ZNF385A: variants seen among roughly 807,000 people sequenced by gnomAD.
ZNF385A encodes zinc finger protein 385A.
Under a neutral mutation model 32.1 loss-of-function variants are expected in ZNF385A, and 14 were observed. The ratio of observed to expected loss-of-function variants is 0.44; its 90% CI spans 0.29 to 0.68. The LOEUF (loss-of-function observed/expected upper bound fraction) is 0.68. Ranked by LOEUF, ZNF385A falls within the 30% of genes least tolerant of loss-of-function variation. The pLI is 0.14. For missense variants in ZNF385A, 406 were observed against 478.4 expected (o/e 0.85, Z 1.41); for synonymous variants, 197 against 202.7 (o/e 0.97, Z 0.24).
intron 1 of ZNF385A, chr12:54,381,176 A>C (rs1955148517): frequency 2.0e-5 from 3 of 149,844 alleles, no homozygotes; most frequent in Non-Finnish European, 4.4e-5. Context: ...AGCCTGGGGG[A>C]CAGAGTAAGA....
intron 1 of ZNF385A, among the ~76,000 whole-genome samples, chr12:54,376,482 G>A (rs1046240894): frequency 6.6e-6 from 1 of 152,126 alleles, no homozygotes; most frequent in Non-Finnish European, 1.5e-5. Context: ...ATCCCTGGTC[G>A]CCCTAACACA....
At chr12:54,390,880 C>T (rs898741823) in intron 1 of ZNF385A, among the ~76,000 whole-genome samples, 1 of 151,896 alleles carries the variant, frequency 6.6e-6, no homozygotes, top group Admixed American at 6.6e-5. Flanking sequence ...CAGAACCTTT[C>T]CCCCAACTCC....
Position 54,370,076 on chromosome 12 carries a change from C to G in ZNF385A, c.*180G>C, listed in dbSNP as rs1428581475. 8.1e-6 allele frequency: 4 copies of G among 492,726 alleles called. No homozygotes were observed. In the African/African-American group the frequency reaches 8.1e-5, roughly 10 times the overall value. 30.5% of individuals were successfully genotyped at this position (492,726 alleles called of 1,614,324 possible). A position where few individuals can be genotyped will look rare whatever the true frequency, so the allele number is the denominator to read the frequency against. On this transcript the variant is annotated 3_prime_UTR_variant, in exon 7 of 7. Coordinates refer to ENST00000394313, the MANE Select transcript of ZNF385A (RefSeq NM_015481.3). The surrounding 1 kb of genome is among the most constrained non-coding windows in gnomAD (Gnocchi z 5.5). Reference sequence around the variant, plus strand: ...TTCCCTGAGATCTGGGGTGTTCCCCCCCTTCTGAAGCCCCCCTCCCCCGCT... The same window carrying G: ...TTCCCTGAGATCTGGGGTGTTCCCCGCCTTCTGAAGCCCCCCTCCCCCGCT...
At position 54,371,550 on chromosome 12, in the gene ZNF385A, T is replaced by C. The variant is rs563955439; in HGVS notation, c.527A>G (p.Lys176Arg). 6.2e-7 allele frequency: 1 copy of C among 1,613,700 alleles called. No individual in the cohort carries two copies. The highest frequency in any genetic ancestry group is 1.7e-5 in the Admixed American group (1 of 59,962). Reference protein sequence around the residue: ...LPGGSKEEEEKAKRLLYCALC... With the variant: ...LPGGSKEEEERAKRLLYCALC... ...AGCACAGTAGAGCAGCCGCTTGGCT[T>C]TCTCCTCCTCTTCCTTGCTACCCCC... Residue 176 changes from lysine (K) to arginine (R), a missense_variant, in exon 4 of 7, where the codon AAA (lysine) becomes AGA (arginine). By Grantham distance (26) the Lys-to-Arg change is conservative. Coordinates refer to ENST00000394313, the MANE Select transcript of ZNF385A (RefSeq NM_015481.3).
At chr12:54,389,026 A>C (rs543886222), upstream of ZNF385A, among the ~76,000 whole-genome samples, 1 of 152,270 alleles carries the variant, frequency 6.6e-6, no homozygotes, top group African/African-American at 2.4e-5. Context: ...GGAGTAGTTG[A>C]CTGGGAAGGG....
In ZNF385A at chr12:54,391,287, G is replaced by C. The variant is rs1231456868; in HGVS notation, c.-43C>G. 6.7e-6 allele frequency: 9 copies of C among 1,353,182 alleles called. No homozygotes were observed. In the East Asian group the frequency reaches 2.5e-4, roughly 37 times the overall value. The allele number at this position is 1,353,182 out of a possible 1,614,324, so 83.8% of individuals were successfully genotyped here. ...CCGGGGTTCCGCGTCGCTCTGTCCCGGGGGCCGTTCTGGCCGGGCTGGGGG... is the reference window on the plus strand; with the variant it reads ...CCGGGGTTCCGCGTCGCTCTGTCCCCGGGGCCGTTCTGGCCGGGCTGGGGG... On this transcript the variant is annotated 5_prime_UTR_variant, in exon 1 of 8. Coordinates refer to the ZNF385A transcript ENST00000338010.
intron 1 of ZNF385A, among the ~76,000 whole-genome samples, chr12:54,380,255 G>A (rs1955076620): frequency 6.6e-6 from 1 of 152,238 alleles, no homozygotes; most frequent in African/African-American, 2.4e-5. Context: ...CTTGCAATGT[G>A]CCAGCTTCTG....
chr12:54,384,858 C>A, upstream of ZNF385A: 5 of 1,143,022 alleles, frequency 4.4e-6, no homozygotes, highest in South Asian at 1.8e-4. Flanking sequence ...AGAGCTCATA[C>A]CTTTTCTGCA....
At chr12:54,382,545 A>T (rs1364902381) in intron 1 of ZNF385A, among the ~76,000 whole-genome samples, 1 of 152,160 alleles carries the variant, frequency 6.6e-6, no homozygotes, top group Non-Finnish European at 1.5e-5. Flanking sequence ...TCTGAGGCTT[A>T]GTTTTTGCTT....
chr12:54,384,658 C>A lies in ZNF385A; in HGVS notation c.-144G>T. Reference sequence around the variant, plus strand: ...AGTCCCACTCCCTAGCCAGGGCCCCCACACTCAGAAGTGTCACCCTCAGTG... The same window carrying A: ...AGTCCCACTCCCTAGCCAGGGCCCCAACACTCAGAAGTGTCACCCTCAGTG... On this transcript the variant is annotated 5_prime_UTR_variant, in exon 1 of 7. Coordinates refer to ENST00000394313, the MANE Select transcript of ZNF385A (RefSeq NM_015481.3). 2 of 1,414,610 alleles carry A rather than the reference C, an allele frequency of 1.4e-6. No individual in the cohort carries two copies. Among genetic ancestry groups the A allele is most frequent in the Non-Finnish European group, 1.8e-6 (2 of 1,089,134 alleles). 87.6% of individuals were successfully genotyped at this position (1,414,610 alleles called of 1,614,324 possible). A position where few individuals can be genotyped will look rare whatever the true frequency, so the allele number is the denominator to read the frequency against.
chr12:54,370,627 G>T lies in ZNF385A; in HGVS notation c.869C>A (p.Ala290Glu), dbSNP rs776717174. Residue 290 changes from alanine (A) to glutamate (E), a missense_variant and splice_region_variant, in exon 6 of 7, where the codon GCG becomes GAG. Coordinates refer to ENST00000394313, the MANE Select transcript of ZNF385A (RefSeq NM_015481.3). The surrounding 1 kb of genome is among the most constrained non-coding windows in gnomAD (Gnocchi z 5.5). The part of the protein sequence containing the change: ...HKKSRGAGEL[A>E]GTLTFSKELP... The stretch of plus-strand genomic sequence containing the variant: ...GAATTCCCAGCATCCAGGCCTCACC[G>T]CCAGCTCCCCGGCGCCCCTAGACTT... 6.3e-7 allele frequency: 1 copy of T among 1,598,026 alleles called. No homozygotes were observed. The highest frequency in any genetic ancestry group is 1.1e-5 in the South Asian group (1 of 88,634).
At chr12:54,375,791 C>T in intron 2 of ZNF385A, 53 bp downstream of exon 2, 1 of 1,516,014 alleles carries the variant, frequency 6.6e-7, no homozygotes, top group Non-Finnish European at 9.2e-7. Context: ...CCCTCAAGTT[C>T]CCCTGCTGCC....
intron 2 of ZNF385A, 44 bp downstream of exon 2, chr12:54,375,800 C>T (rs1954818267): frequency 1.9e-6 from 3 of 1,564,966 alleles, no homozygotes; most frequent in African/African-American, 2.7e-5. Context: ...TCCCCTGCTG[C>T]CCCTGCCCCA....
rs1276212049 is a variant in ZNF385A at position 54,370,450 on chromosome 12, G to A, written c.907C>T (p.Leu303=). The change falls in exon 7 of 7, where the codon CTG becomes TTG. Residue 303 remains leucine, a synonymous_variant. Transcript: ENST00000394313. The surrounding 1 kb of genome is among the most constrained non-coding windows in gnomAD (Gnocchi z 5.5). ...GGGCTGGGGAGCAGGCCGCCCGCCAGGGACTTGGGCAGCTCCTTGGAGAAA... is the reference window on the plus strand; with the variant it reads ...GGGCTGGGGAGCAGGCCGCCCGCCAAGGACTTGGGCAGCTCCTTGGAGAAA... The part of the protein sequence containing the change: ...LTFSKELPKS[L]AGGLLPSPLA... The A allele has an allele frequency of 6.4e-7, 1 of 1,550,984 alleles. No homozygotes were observed. Among genetic ancestry groups the A allele is most frequent in the East Asian group, 2.4e-5 (1 of 40,908 alleles).
upstream of ZNF385A, among the ~76,000 whole-genome samples, chr12:54,386,865 T>C (rs1955502100): frequency 6.6e-6 from 1 of 152,208 alleles, no homozygotes; most frequent in Non-Finnish European, 1.5e-5. Context: ...TTATCATATT[T>C]AACCTCTGAA....
chr12:54,387,208 A>G (rs1197151169), upstream of ZNF385A, among the ~76,000 whole-genome samples: 2 of 152,218 alleles, frequency 1.3e-5, no homozygotes, highest in African/African-American at 4.8e-5. Flanking sequence ...AGAGGAAAAC[A>G]GGTAGCAGCC....
intron 1 of ZNF385A, among the ~76,000 whole-genome samples, chr12:54,383,917 C>T (rs959048876): frequency 3.3e-5 from 5 of 152,116 alleles, no homozygotes; most frequent in South Asian, 2.1e-4. Flanking sequence ...AACAAACACA[C>T]GAATAGACAG....
In ZNF385A at chr12:54,370,645, C is replaced by T; in HGVS notation, c.851G>A (p.Arg284Lys). 1 of 1,605,010 alleles carries T rather than the reference C, an allele frequency of 6.2e-7. No homozygotes were observed. Among genetic ancestry groups the T allele is most frequent in the Non-Finnish European group, 8.5e-7 (1 of 1,176,374 alleles). The change falls in exon 6 of 7, where the codon AGG becomes AAG. Residue 284 changes from arginine to lysine, a missense_variant. Arg to Lys is a conservative substitution (Grantham distance 26, BLOSUM62 2). Transcript: ENST00000394313. This position sits in a 1 kb window ranked among gnomAD's most constrained non-coding sequence, Gnocchi z 5.5. The part of the protein sequence containing the change: ...NPLLSRHKKS[R>K]GAGELAGTLT... ...CCTCACCGCCAGCTCCCCGGCGCCC[C>T]TAGACTTCTTGTGACGGCTCAGTAG...
At position 54,370,502 on chromosome 12, in the gene ZNF385A, G is replaced by A; in HGVS notation, c.871-16C>T. On this transcript the variant is annotated splice_polypyrimidine_tract_variant and intron_variant, in intron 6 of 6. Transcript: ENST00000394313. This position sits in a 1 kb window ranked among gnomAD's most constrained non-coding sequence, Gnocchi z 5.5. Reference sequence around the variant, plus strand: ...TCAGCGTGCCCTGAAGCGGGCGAAAGGCGGAGGAAGAGAAGTCACCCGGCG... The same window carrying A: ...TCAGCGTGCCCTGAAGCGGGCGAAAAGCGGAGGAAGAGAAGTCACCCGGCG... The A allele has an allele frequency of 6.4e-7, 1 of 1,551,108 alleles. No individual in the cohort carries two copies. The highest frequency in any genetic ancestry group is 1.4e-5 in the African/African-American group (1 of 73,162).
Sources: allele counts gnomAD v4.1 joint callset (sites outside exome capture counted in the v4.1 genomes callset), GRCh38; gene constraint gnomAD v4.1.1; non-coding constraint Gnocchi (gnomAD v3.1); transcripts MANE v1.5; gene names NCBI Gene and HGNC (gene_info 2026-07-23, HGNC 2026-07-21).